The following SDK2 variants were observed in gnomAD, a reference collection of about 807,000 sequenced individuals.
SDK2 encodes the protein protein sidekick-2.
A neutral mutation model predicts 253.9 loss-of-function variants in SDK2; 105 were observed. That is an observed-to-expected ratio of 0.41 (90% confidence interval 0.35 to 0.49). The LOEUF is 0.49. Among genes scored for constraint, SDK2 ranks in the 20% least tolerant of loss-of-function variants. The probability of loss-of-function intolerance (pLI) is 0.06; values close to 1 mark genes in which losing one functional copy is unlikely to be tolerated. For missense variants in SDK2, 2,608 were observed against 3,003.0 expected (o/e 0.87, Z 3.07); for synonymous variants, 1,249 against 1,234.9 (o/e 1.01, Z -0.24).
chr17:73,405,859 A>ACAGG (rs1313281695), intron 18 of SDK2, among the ~76,000 whole-genome samples: 19 of 151,056 alleles, frequency 1.3e-4, no homozygotes, highest in Non-Finnish European at 2.5e-4. Context: ...TGCTGGGACT[A>ACAGG]CAGGCGCCTG....
In SDK2 at chr17:73,458,245, A is replaced by G. The variant is rs113903571; in HGVS notation, c.332-2192T>C. ...AGGCGTGAGCCACTGTGCCCAGACC[A>G]GACCTGAGTATTTCTAAAGATGTTC... On this transcript the variant is annotated intron_variant, in intron 3 of 44. Coordinates refer to ENST00000392650, the MANE Select transcript of SDK2 (RefSeq NM_001144952.2). 8.3e-3 allele frequency among the ~76,000 whole-genome samples: 1,265 copies of G among 152,328 alleles called. 21 individuals are homozygous for G. Among genetic ancestry groups the G allele is most frequent in the African/African-American group, 0.029 (1,202 of 41,566 alleles).
chr17:73,591,484 G>A (rs1179349383), intron 1 of SDK2, among the ~76,000 whole-genome samples: 8 of 152,152 alleles, frequency 5.3e-5, no homozygotes, highest in Admixed American at 5.2e-4. Context: ...CACAAACACA[G>A]GATGTTCGGT....
intron 1 of SDK2, among the ~76,000 whole-genome samples, chr17:73,583,275 C>T (rs1017362462): frequency 2.0e-5 from 3 of 152,220 alleles, no homozygotes; most frequent in African/African-American, 7.2e-5. Context: ...ATCTTCTTAG[C>T]ATACAGCAGT....
chr17:73,604,199 G>C (rs1200169862), intron 1 of SDK2, among the ~76,000 whole-genome samples: 1 of 152,242 alleles, frequency 6.6e-6, no homozygotes, highest in African/African-American at 2.4e-5. Flanking sequence ...ACACTCTCTT[G>C]AGCGAACAGA....
intron 29 of SDK2, among the ~76,000 whole-genome samples, chr17:73,389,863 T>A (rs2062912212): frequency 6.6e-6 from 1 of 152,166 alleles, no homozygotes; most frequent in Admixed American, 6.5e-5. Flanking sequence ...GATTCTCGTG[T>A]CTCAGCTTCC....
In SDK2 at chr17:73,435,191, T is replaced by C. The variant is rs1320084175; in HGVS notation, c.1195+259A>G. Among the ~76,000 whole-genome samples the C allele has an allele frequency of 3.9e-5, 6 of 152,160 alleles. No individual in the cohort carries two copies. The highest frequency in any genetic ancestry group is 1.4e-4 in the African/African-American group (6 of 41,430). On this transcript the variant is annotated intron_variant, in intron 9 of 44. Coordinates refer to ENST00000392650, the MANE Select transcript of SDK2 (RefSeq NM_001144952.2). The surrounding 1 kb of genome is among the most constrained non-coding windows in gnomAD (Gnocchi z 5.7). Reference sequence around the variant, plus strand: ...CATAGCTCCTTTTCTCAAAAAGCCGTGAACGCAACCTGGGCCCCAGGACAT... The same window carrying C: ...CATAGCTCCTTTTCTCAAAAAGCCGCGAACGCAACCTGGGCCCCAGGACAT...
intron 40 of SDK2, among the ~76,000 whole-genome samples, chr17:73,356,675 A>C (rs2062594682): frequency 6.6e-6 from 1 of 152,060 alleles, no homozygotes; most frequent in South Asian, 2.1e-4. Context: ...ACAGACCACC[A>C]TGCCCCTTGC....
intron 41 of SDK2, among the ~76,000 whole-genome samples, chr17:73,351,284 A>G (rs2062536165): frequency 6.6e-6 from 1 of 151,950 alleles, no homozygotes; most frequent in African/African-American, 2.4e-5. Flanking sequence ...TAATCTTTGT[A>G]TTTTTAGTAG....
intron 36 of SDK2, among the ~76,000 whole-genome samples, chr17:73,377,128 G>C (rs572405233): frequency 6.7e-6 from 1 of 150,144 alleles, no homozygotes; most frequent in East Asian, 2.4e-4. Context: ...CCAAGAATGA[G>C]AGTCAACTGG....
At chr17:73,476,766 T>C (rs1001291248) in intron 2 of SDK2, among the ~76,000 whole-genome samples, 4 of 152,206 alleles carry the variant, frequency 2.6e-5, no homozygotes, top group Non-Finnish European at 1.5e-5. Flanking sequence ...TATGTCTATT[T>C]GCTTCAGCCA....
At chr17:73,575,897 G>A (rs1225840202) in intron 1 of SDK2, among the ~76,000 whole-genome samples, 1 of 152,160 alleles carries the variant, frequency 6.6e-6, no homozygotes, top group Non-Finnish European at 1.5e-5. Flanking sequence ...AGTCTCAAGG[G>A]GGAGAGGAGG....
chr17:73,408,383 A>G (rs2063098297), intron 18 of SDK2, among the ~76,000 whole-genome samples: 1 of 17,842 alleles, frequency 5.6e-5, no homozygotes, highest in African/African-American at 1.6e-4. Flanking sequence ...GCGCCTGGCT[A>G]TTTTTTTTTT....
chr17:73,618,417 G>C lies in SDK2; in HGVS notation c.64+25608C>G, dbSNP rs1293362309. 6.6e-6 allele frequency among the ~76,000 whole-genome samples: 1 copy of C among 152,234 alleles called. No homozygotes were observed. Among genetic ancestry groups the C allele is most frequent in the East Asian group, 1.9e-4 (1 of 5,202 alleles). On this transcript the variant is annotated intron_variant, in intron 1 of 44. Coordinates refer to ENST00000392650, the MANE Select transcript of SDK2 (RefSeq NM_001144952.2). This position sits in a 1 kb window ranked among gnomAD's most constrained non-coding sequence, Gnocchi z 4.1. ...CTCCAGGGAGGCAGTGGTCGGCCAA[G>C]CCCAAGGGCTATGGAGCCACAAGGA...
At chr17:73,407,726 C>T (rs1254456400) in intron 18 of SDK2, among the ~76,000 whole-genome samples, 1 of 152,116 alleles carries the variant, frequency 6.6e-6, no homozygotes, top group African/African-American at 2.4e-5. Context: ...TGTGATACAC[C>T]ATGCCCGGCC....
At chr17:73,630,222 G>C (rs889141023) in intron 1 of SDK2, among the ~76,000 whole-genome samples, 1 of 152,052 alleles carries the variant, frequency 6.6e-6, no homozygotes, top group Non-Finnish European at 1.5e-5. Context: ...CAGTGGCAGC[G>C]ACACCTGGGA....
In SDK2 at chr17:73,612,492, C is replaced by T. The variant is rs373443312; in HGVS notation, c.64+31533G>A. The stretch of plus-strand genomic sequence containing the variant: ...GCCGGGGTGAGGGTAGAAGAGGAGG[C>T]CAAGGGAAGGGAGTTCTGCAGCCGA... On this transcript the variant is annotated intron_variant, in intron 1 of 44. Coordinates refer to ENST00000392650, the MANE Select transcript of SDK2 (RefSeq NM_001144952.2). This position sits in a 1 kb window ranked among gnomAD's most constrained non-coding sequence, Gnocchi z 4.4. Among the ~76,000 whole-genome samples, 96 of 152,284 alleles carry T rather than the reference C, an allele frequency of 6.3e-4. No individual in the cohort carries two copies. The highest frequency in any genetic ancestry group is 2.3e-3 in the African/African-American group (95 of 41,564).
chr17:73,409,809 A>C (rs2063110664), intron 18 of SDK2, among the ~76,000 whole-genome samples: 1 of 147,950 alleles, frequency 6.8e-6, no homozygotes, highest in Non-Finnish European at 1.5e-5. Flanking sequence ...ACAATTAAAA[A>C]TAATACATTC....
chr17:73,552,098 C>G (rs116234193), intron 1 of SDK2, among the ~76,000 whole-genome samples: 5,485 of 152,256 alleles, frequency 0.036, 204 homozygotes, highest in African/African-American at 0.099. Context: ...GCCTGTCCCC[C>G]CTGTCTGGGG....
In SDK2 at chr17:73,447,497, C is replaced by G; in HGVS notation, c.613+118G>C. On this transcript the variant is annotated intron_variant, in intron 5 of 44. Coordinates refer to ENST00000392650, the MANE Select transcript of SDK2 (RefSeq NM_001144952.2). This position sits in a 1 kb window ranked among gnomAD's most constrained non-coding sequence, Gnocchi z 4.0. ...CCTTGGGAAGGCTCCCCCCGGCCGTCCCCTAGCTTCCCTGTCCCCCTCCTC... is the reference window on the plus strand; with the variant it reads ...CCTTGGGAAGGCTCCCCCCGGCCGTGCCCTAGCTTCCCTGTCCCCCTCCTC... The G allele has an allele frequency of 7.0e-7, 1 of 1,424,474 alleles. No individual in the cohort carries two copies. The highest frequency in any genetic ancestry group is 1.4e-5 in the African/African-American group (1 of 70,838). 88.2% of individuals were successfully genotyped at this position (1,424,474 alleles called of 1,614,324 possible).
Sources: gnomAD v4.1 joint callset for allele counts (sites outside exome capture counted in the v4.1 genomes callset) on GRCh38, gnomAD v4.1.1 for gene constraint, Gnocchi (gnomAD v3.1) non-coding constraint, MANE v1.5 for transcripts, NCBI Gene and HGNC (gene_info 2026-07-23, HGNC 2026-07-21) for gene names.